GPHN: variants seen among roughly 807,000 people sequenced by gnomAD.
GPHN encodes the protein gephyrin.
GPHN carries 17 observed loss-of-function variants against 95.5 expected under a neutral mutation model. The ratio of observed to expected loss-of-function variants is 0.18; its 90% CI spans 0.12 to 0.27. The LOEUF (loss-of-function observed/expected upper bound fraction) is 0.27. Among genes scored for constraint, GPHN ranks in the 10% least tolerant of loss-of-function variants. The probability of loss-of-function intolerance (pLI) is 1.00; values close to 1 mark genes in which losing one functional copy is unlikely to be tolerated. For synonymous variants in GPHN, 320 were observed against 322.5 expected, an observed-to-expected ratio of 0.99 and a Z score of 0.08; for missense variants, 660 against 978.1, an observed-to-expected ratio of 0.67 and a Z score of 4.34.
the GPHN span, among the ~76,000 whole-genome samples, chr14:67,560,946 G>A: frequency 6.6e-6 from 1 of 152,154 alleles, no homozygotes; most frequent in Non-Finnish European, 1.5e-5. Flanking sequence ...GGCCAGGCTA[G>A]TCTTGAACTC....
At chr14:66,916,412 C>T (rs1403740496) in intron 6 of GPHN, among the ~76,000 whole-genome samples, 2 of 149,746 alleles carry the variant, frequency 1.3e-5, no homozygotes, top group East Asian at 1.9e-4. Flanking sequence ...TCCTGGCATT[C>T]GTGTATGATA....
the GPHN span, among the ~76,000 whole-genome samples, chr14:67,555,186 G>A: frequency 9.9e-5 from 15 of 152,212 alleles, no homozygotes; most frequent in African/African-American, 2.4e-5. Flanking sequence ...CCAAAGTGCT[G>A]GGATTACAGG....
intron 4 of GPHN, among the ~76,000 whole-genome samples, chr14:66,837,792 CAAATAAAA>C (rs952628661): frequency 6.6e-6 from 1 of 151,640 alleles, no homozygotes; most frequent in Non-Finnish European, 1.5e-5. Context: ...GAAGAACCCA[CAAATAAAA>C]ATTATATATT....
intron 1 of GPHN, among the ~76,000 whole-genome samples, chr14:66,629,173 ATATATACATATATAAATATG>A (rs2063665346): frequency 1.1e-5 from 1 of 90,626 alleles, no homozygotes; most frequent in Admixed American, 1.2e-4. Flanking sequence ...ATATAAATAT[ATATATACATATATAAATATG>A]TATATAAATA....
intron 18 of GPHN, among the ~76,000 whole-genome samples, chr14:67,151,115 G>A (rs533900377): frequency 6.6e-6 from 1 of 152,280 alleles, no homozygotes; most frequent in South Asian, 2.1e-4. Context: ...TACAGAAATA[G>A]GAAGGCAAAC....
At chr14:66,744,921 T>C (rs1410421102) in intron 2 of GPHN, among the ~76,000 whole-genome samples, 1 of 152,134 alleles carries the variant, frequency 6.6e-6, no homozygotes, top group Non-Finnish European at 1.5e-5. Context: ...GATTAAATCC[T>C]GAGGGGTAAG....
At chr14:67,674,324 C>G in the GPHN span, 1 of 1,475,192 alleles carries the variant, frequency 6.8e-7, no homozygotes, top group African/African-American at 1.4e-5. Context: ...AATCTTCCTT[C>G]CAAAGCGCGC....
chr14:67,705,340 G>A, the GPHN span, among the ~76,000 whole-genome samples: 1 of 152,216 alleles, frequency 6.6e-6, no homozygotes, highest in African/African-American at 2.4e-5. Context: ...AAACAAATCA[G>A]TGTCCTTTTC....
In GPHN at chr14:66,508,197, G is replaced by A. The variant is rs988240347; in HGVS notation, c.-331G>A. 2 of 502,998 alleles carry A rather than the reference G, an allele frequency of 4.0e-6. No homozygotes were observed. The highest frequency in any genetic ancestry group is 1.9e-5 in the African/African-American group (1 of 51,434). 31.2% of individuals were successfully genotyped at this position (502,998 alleles called of 1,614,324 possible). A position where few individuals can be genotyped will look rare whatever the true frequency, so the allele number is the denominator to read the frequency against. On this transcript the variant is annotated 5_prime_UTR_variant, in exon 1 of 23. Transcript: ENST00000478722. ...GCTGCCTTGGGTCTCGCGCTCCGCAGAGCGTTCCGACACTCTCCGGCCTCG... is the reference window on the plus strand; with the variant it reads ...GCTGCCTTGGGTCTCGCGCTCCGCAAAGCGTTCCGACACTCTCCGGCCTCG...
the GPHN span, chr14:67,578,527 C>T: frequency 1.3e-6 from 2 of 1,598,628 alleles, no homozygotes; most frequent in Non-Finnish European, 1.7e-6. The surrounding 1 kb of genome is among the most constrained non-coding windows in gnomAD (Gnocchi z 5.0). Context: ...GTCTGTGTCC[C>T]TGGCAGTGCT....
intron 21 of GPHN, among the ~76,000 whole-genome samples, chr14:67,178,633 A>C (rs2083146588): frequency 6.6e-6 from 1 of 152,190 alleles, no homozygotes; most frequent in African/African-American, 2.4e-5. Context: ...GTCCAGAAGA[A>C]GAAGAGAAGG....
At chr14:67,376,357 A>G in the GPHN span, 5 of 1,326,830 alleles carry the variant, frequency 3.8e-6, no homozygotes, top group South Asian at 3.0e-5. Flanking sequence ...TTGTAGCCAA[A>G]TTATGTTATT....
At chr14:67,300,907 G>A in the GPHN span, among the ~76,000 whole-genome samples, 1 of 151,846 alleles carries the variant, frequency 6.6e-6, no homozygotes, top group Non-Finnish European at 1.5e-5. Context: ...GCCCAGGCTG[G>A]TCTCAAACTC....
At chr14:66,653,875 T>C (rs936285059) in intron 1 of GPHN, among the ~76,000 whole-genome samples, 3 of 152,218 alleles carry the variant, frequency 2.0e-5, no homozygotes, top group African/African-American at 7.2e-5. Context: ...ACAAAACTAC[T>C]GTAACCCCCT....
At chr14:66,854,488 A>C (rs1490932965) in intron 4 of GPHN, among the ~76,000 whole-genome samples, 3 of 152,218 alleles carry the variant, frequency 2.0e-5, no homozygotes, top group African/African-American at 4.8e-5. Context: ...ATTTAGATAA[A>C]ATAGTGGAAC....
At chr14:67,226,235 A>T in the GPHN span, among the ~76,000 whole-genome samples, 7 of 152,190 alleles carry the variant, frequency 4.6e-5, no homozygotes, top group Non-Finnish European at 1.0e-4. Context: ...TCTGTCGCCC[A>T]GGCTGGAGTG....
In GPHN at chr14:66,811,454, T is replaced by G. The variant is rs2060758631; in HGVS notation, c.202-13020T>G. ...TGTTTGTGATTTTTAAATTTCCTTATACTTTTTTGTTGATTGAATTATTTT... is the reference window on the plus strand; with the variant it reads ...TGTTTGTGATTTTTAAATTTCCTTAGACTTTTTTGTTGATTGAATTATTTT... On this transcript the variant is annotated intron_variant, in intron 3 of 22. Coordinates refer to ENST00000478722, the MANE Select transcript of GPHN (RefSeq NM_020806.5). 5.3e-5 allele frequency among the ~76,000 whole-genome samples: 8 copies of G among 152,184 alleles called. No individual in the cohort carries two copies. The South Asian group carries it at 1.7e-3, about 32-fold the overall frequency.
chr14:67,198,763 T>C, the GPHN span, among the ~76,000 whole-genome samples: 1 of 152,236 alleles, frequency 6.6e-6, no homozygotes, highest in Non-Finnish European at 1.5e-5. Context: ...CTCATAAGAA[T>C]GTCCCTACAT....
chr14:66,837,284 G>A (rs1463532565), intron 4 of GPHN, among the ~76,000 whole-genome samples: 4 of 151,624 alleles, frequency 2.6e-5, no homozygotes, highest in East Asian at 1.9e-4. Context: ...ATGAGTTCAT[G>A]TCCTTTGTAG....
Sources: allele counts gnomAD v4.1 joint callset (sites outside exome capture counted in the v4.1 genomes callset), GRCh38; gene constraint gnomAD v4.1.1; non-coding constraint Gnocchi (gnomAD v3.1); transcripts MANE v1.5; gene names NCBI Gene and HGNC (gene_info 2026-07-23, HGNC 2026-07-21).